The following SUGCT variants were observed in gnomAD, a reference collection of about 807,000 sequenced individuals.
SUGCT encodes the protein succinyl-CoA:glutarate-CoA transferase, also known as succinyl-CoA:glutarate CoA-transferase.
In SUGCT, 41 loss-of-function variants were observed where a neutral mutation model predicts 55.0. The observed-to-expected ratio is 0.74, with a 90% CI of 0.58 to 0.97. SUGCT has a LOEUF of 0.97. Among genes scored for constraint, SUGCT ranks in the 50% least tolerant of loss-of-function variants. The pLI is 0.00. For missense variants in SUGCT, 568 were observed against 547.8 expected, an observed-to-expected ratio of 1.04 and a Z score of -0.37; for synonymous variants, 187 against 200.4, an observed-to-expected ratio of 0.93 and a Z score of 0.56.
chr7:40,332,183 A>G (rs1329227334), intron 9 of SUGCT, among the ~76,000 whole-genome samples: 1 of 152,178 alleles, frequency 6.6e-6, no homozygotes, highest in South Asian at 2.1e-4. Context: ...CTTGGAAAAC[A>G]ACTTCAAGGA....
chr7:40,338,501 T>G (rs984491603), intron 9 of SUGCT, among the ~76,000 whole-genome samples: 8 of 152,226 alleles, frequency 5.3e-5, no homozygotes, highest in Non-Finnish European at 8.8e-5. Context: ...ATTCATTTGA[T>G]CTTCAATCAC....
intron 12 of SUGCT, among the ~76,000 whole-genome samples, chr7:40,602,343 G>C (rs981280892): frequency 5.3e-5 from 8 of 152,172 alleles, no homozygotes; most frequent in African/African-American, 1.9e-4. Flanking sequence ...GGATCTGTCG[G>C]GGGGAAGAAG....
intron 5 of SUGCT, 27 bp downstream of exon 5, chr7:40,189,621 C>T (rs1249603534): frequency 2.3e-6 from 3 of 1,315,920 alleles, no homozygotes; most frequent in Non-Finnish European, 3.0e-6. Flanking sequence ...AGAAAGCATC[C>T]TACCACCTAG....
intron 13 of SUGCT, among the ~76,000 whole-genome samples, chr7:40,846,834 T>C (rs2128794987): frequency 6.6e-6 from 1 of 152,346 alleles, no homozygotes; most frequent in South Asian, 2.1e-4. Flanking sequence ...ATTCTTCAGT[T>C]GACAAGCTGT....
intron 9 of SUGCT, among the ~76,000 whole-genome samples, chr7:40,426,246 A>C (rs1787580380): frequency 6.6e-6 from 1 of 152,126 alleles, no homozygotes; most frequent in South Asian, 2.1e-4. Context: ...ACTGAGGCAG[A>C]AACCTCTCCC....
intron 12 of SUGCT, among the ~76,000 whole-genome samples, chr7:40,713,231 A>G (rs555798076): frequency 6.6e-6 from 1 of 152,190 alleles, no homozygotes; most frequent in African/African-American, 2.4e-5. Context: ...TCTGGGGTGG[A>G]GACTGCTGCA....
chr7:40,564,010 A>G (rs767772019), intron 12 of SUGCT, among the ~76,000 whole-genome samples: 1 of 152,212 alleles, frequency 6.6e-6, no homozygotes, highest in Non-Finnish European at 1.5e-5. Context: ...AAAAATATCT[A>G]GAAGTAAACA....
intron 7 of SUGCT, among the ~76,000 whole-genome samples, chr7:40,244,512 G>A (rs1165043437): frequency 1.3e-5 from 2 of 152,208 alleles, no homozygotes; most frequent in African/African-American, 4.8e-5. Context: ...TCAAAGTGAA[G>A]TTCAGAAGAT....
intron 11 of SUGCT, among the ~76,000 whole-genome samples, chr7:40,488,353 A>G (rs1007336369): frequency 1.3e-5 from 2 of 152,166 alleles, no homozygotes; most frequent in African/African-American, 2.4e-5. Context: ...AAAAAACTCT[A>G]CATTTTCACT....
intron 12 of SUGCT, among the ~76,000 whole-genome samples, chr7:40,672,102 A>C (rs1336276764): frequency 6.6e-6 from 1 of 152,182 alleles, no homozygotes; most frequent in African/African-American, 2.4e-5. Flanking sequence ...TTTTTAACAA[A>C]TGGTGCTGGA....
At chr7:40,765,553 T>C (rs1788744854) in intron 13 of SUGCT, among the ~76,000 whole-genome samples, 1 of 152,104 alleles carries the variant, frequency 6.6e-6, no homozygotes, top group Non-Finnish European at 1.5e-5. Context: ...AGTCATCTAC[T>C]TTAACGATTT....
chr7:40,975,593 T>A, the SUGCT span, among the ~76,000 whole-genome samples: 2 of 152,206 alleles, frequency 1.3e-5, no homozygotes, highest in African/African-American at 4.8e-5. Context: ...AAAAATGTTT[T>A]CCAGATGGTG....
In SUGCT at chr7:40,317,249, C is replaced by T. The variant is rs540364095; in HGVS notation, c.816+394C>T. Among the ~76,000 whole-genome samples the T allele has an allele frequency of 2.0e-4, 30 of 151,996 alleles. 3 individuals are homozygous for T. The South Asian group carries it at 6.0e-3, about 31-fold the overall frequency. ...CTACCCCATCTGACAATAATATTCT[C>T]ACAGGATTGAAGTAAAATGAAAATT... On this transcript the variant is annotated intron_variant, in intron 9 of 13. Transcript: ENST00000335693.
chr7:40,628,269 G>A (rs1799619376), intron 12 of SUGCT, among the ~76,000 whole-genome samples: 1 of 152,198 alleles, frequency 6.6e-6, no homozygotes, highest in Admixed American at 6.5e-5. Context: ...CAAATGTTTT[G>A]TTGTTTAAAT....
intron 12 of SUGCT, among the ~76,000 whole-genome samples, chr7:40,729,579 C>T (rs1199796830): frequency 6.6e-6 from 1 of 151,872 alleles, no homozygotes; most frequent in Non-Finnish European, 1.5e-5. Context: ...GTTCAGGAAT[C>T]TACAAGTGTT....
At chr7:40,314,607 G>C (rs10266351) in intron 8 of SUGCT, among the ~76,000 whole-genome samples, 80,700 of 143,792 alleles carry the variant, frequency 0.56, 23,905 homozygotes, top group Non-Finnish European at 0.67. Flanking sequence ...TCTCGTTGCC[G>C]AGGCTGGAGT....
the SUGCT span, among the ~76,000 whole-genome samples, chr7:40,947,586 C>T: frequency 6.6e-6 from 1 of 151,618 alleles, no homozygotes; most frequent in Non-Finnish European, 1.5e-5. Flanking sequence ...TATAGCAATT[C>T]TGGAAATCTA....
rs147501327 is a variant in SUGCT at position 40,505,637 on chromosome 7, C to G, written c.1089+9251C>G. ...AAACAATGTTTTCTGCTACACACTT[C>G]CTTTTTGTATGTGTGTGCATATATA... is the stretch of plus-strand genomic sequence containing the variant. On this transcript the variant is annotated intron_variant, in intron 12 of 13. Coordinates refer to ENST00000335693, the MANE Select transcript of SUGCT (RefSeq NM_001193313.2). Among the ~76,000 whole-genome samples, 419 of 152,072 alleles carry G rather than the reference C, an allele frequency of 2.8e-3. 2 individuals are homozygous for G. The highest frequency in any genetic ancestry group is 9.2e-3 in the African/African-American group (381 of 41,526).
At position 40,605,083 on chromosome 7, in the gene SUGCT, G is replaced by C. The variant is rs11975401; in HGVS notation, c.1089+108697G>C. ...CAGCGCCTGGCTTAAAGAATTTCAA[G>C]CTTTTGCTAACACGGGGGCAGATTT... On this transcript the variant is annotated intron_variant, in intron 12 of 13. Transcript: ENST00000335693. Among the ~76,000 whole-genome samples the C allele has an allele frequency of 1.3e-3, 196 of 152,354 alleles. 1 individual carries two copies. The highest frequency in any genetic ancestry group is 4.5e-3 in the African/African-American group (188 of 41,584).
Sources: gnomAD v4.1 joint callset for allele counts (sites outside exome capture counted in the v4.1 genomes callset) on GRCh38, gnomAD v4.1.1 for gene constraint, MANE v1.5 for transcripts, NCBI Gene and HGNC (gene_info 2026-07-23, HGNC 2026-07-21) for gene names.